The following A3GALT2 variants were observed in gnomAD, a reference collection of about 807,000 sequenced individuals.
The protein encoded by A3GALT2 is alpha-1,3-galactosyltransferase 2.
Under a neutral mutation model 16.6 loss-of-function variants are expected in A3GALT2, and 14 were observed. The ratio of observed to expected loss-of-function variants is 0.84; its 90% CI spans 0.56 to 1.32. The LOEUF is 1.32. Ranked by LOEUF, A3GALT2 falls within the 40% of genes most tolerant of loss-of-function variation. A3GALT2 has a pLI of 0.00. For missense variants in A3GALT2, 600 were observed against 490.9 expected (o/e 1.22, Z -2.10); for synonymous variants, 253 against 218.0 (o/e 1.16, Z -1.42).
chr1:33,313,201 T>TTTTTTTA (rs1646244815), intron 1 of A3GALT2: 2 of 255,362 alleles, frequency 7.8e-6, no homozygotes, highest in Non-Finnish European at 1.5e-5. Flanking sequence ...TTTTTTTTTT[T>TTTTTTTA]GAGACAGCCT....
At chr1:33,308,831 G>T (rs1328342938) in intron 4 of A3GALT2, among the ~76,000 whole-genome samples, 30 of 143,774 alleles carry the variant, frequency 2.1e-4, no homozygotes, top group Admixed American at 2.8e-4. Context: ...GATTTGGCAG[G>T]GTCATAGGAC....
At chr1:33,319,820 C>G (rs1227731803) in intron 1 of A3GALT2, among the ~76,000 whole-genome samples, 2 of 152,142 alleles carry the variant, frequency 1.3e-5, no homozygotes, top group Non-Finnish European at 2.9e-5. Context: ...ATCAACTAAT[C>G]AGCTTGTTTC....
intron 3 of A3GALT2, 23 bp downstream of exon 3, chr1:33,312,478 T>C: frequency 1.3e-6 from 2 of 1,555,862 alleles, no homozygotes; most frequent in Non-Finnish European, 1.7e-6. Flanking sequence ...GCCCTTGGAG[T>C]AGGAGGGATG....
chr1:33,307,318 C>G lies in A3GALT2; in HGVS notation c.471G>C (p.Arg157=). ...CGCGCGCCACGCGCTCCACGGGCAG[C>G]CGGCGTCCCGGGCCCAGCGCCACGC... ...VPRVALGPGR[R]LPVERVARER... Residue 157 remains arginine, a synonymous_variant, in exon 5 of 5, where the codon CGG becomes CGC. Coordinates refer to ENST00000442999, the MANE Select transcript of A3GALT2 (RefSeq NM_001080438.1). 6.7e-7 allele frequency: 1 copy of G among 1,503,178 alleles called. No homozygotes were observed. The highest frequency in any genetic ancestry group is 8.8e-7 in the Non-Finnish European group (1 of 1,136,324). 93.1% of individuals were successfully genotyped at this position (1,503,178 alleles called of 1,614,324 possible). A position where few individuals can be genotyped will look rare whatever the true frequency, so the allele number is the denominator to read the frequency against.
At position 33,307,314 on chromosome 1, in the gene A3GALT2, G is replaced by A. The variant is rs1192418574; in HGVS notation, c.475C>T (p.Pro159Ser). ...RVALGPGRRLPVERVARERRW... is the reference protein window; with the variant it reads ...RVALGPGRRLSVERVARERRW... ...CGCTCGCGCGCCACGCGCTCCACGGGCAGCCGGCGTCCCGGGCCCAGCGCC... is the reference window on the plus strand; with the variant it reads ...CGCTCGCGCGCCACGCGCTCCACGGACAGCCGGCGTCCCGGGCCCAGCGCC... Residue 159 changes from proline (P) to serine (S), a missense_variant, in exon 5 of 5, where the codon CCC becomes TCC. Coordinates refer to ENST00000442999, the MANE Select transcript of A3GALT2 (RefSeq NM_001080438.1). 1.3e-6 allele frequency: 2 copies of A among 1,498,962 alleles called. No individual in the cohort carries two copies. The highest frequency in any genetic ancestry group is 1.8e-6 in the Non-Finnish European group (2 of 1,134,580). 92.9% of individuals were successfully genotyped at this position (1,498,962 alleles called of 1,614,324 possible). A position where few individuals can be genotyped will look rare whatever the true frequency, so the allele number is the denominator to read the frequency against.
At chr1:33,308,750 GTTTTTTTTTTT>G (rs56655319) in intron 4 of A3GALT2, among the ~76,000 whole-genome samples, 1,574 of 46,138 alleles carry the variant, frequency 0.034, 67 homozygotes, top group African/African-American at 0.17. Context: ...TGTCAAAGTT[GTTTTTTTTTTT>G]TTTTTTTTTT....
intron 1 of A3GALT2, chr1:33,314,873 T>C (rs1444681568): frequency 6.6e-6 from 1 of 152,022 alleles, no homozygotes; most frequent in African/African-American, 2.4e-5. Flanking sequence ...TATGGAAAAA[T>C]GTTCACCCTC....
chr1:33,310,977 T>G (rs1294007544), intron 4 of A3GALT2, among the ~76,000 whole-genome samples: 1 of 152,180 alleles, frequency 6.6e-6, no homozygotes, highest in East Asian at 1.9e-4. Context: ...CACTCCTGGC[T>G]TTCCCTCCCT....
At position 33,312,041 on chromosome 1, in the gene A3GALT2, C is replaced by T; in HGVS notation, c.335+11G>A. On this transcript the variant is annotated intron_variant, in intron 4 of 4. Coordinates refer to ENST00000442999, the MANE Select transcript of A3GALT2 (RefSeq NM_001080438.1). ...AGCTTTGACAGCACTGCTCCCCTTC[C>T]CAGGCCTTACCTGCCTACAGCAAAG... 1 of 1,613,412 alleles carries T rather than the reference C, an allele frequency of 6.2e-7. No individual in the cohort carries two copies. Among genetic ancestry groups the T allele is most frequent in the Non-Finnish European group, 8.5e-7 (1 of 1,179,770 alleles).
At chr1:33,319,048 T>G (rs887670026) in intron 1 of A3GALT2, among the ~76,000 whole-genome samples, 2 of 152,166 alleles carry the variant, frequency 1.3e-5, no homozygotes, top group Non-Finnish European at 1.5e-5. Flanking sequence ...CCTGGCCAAG[T>G]GTATTATGTG....
At position 33,312,882 on chromosome 1, in the gene A3GALT2, T is replaced by C. The variant is rs768260067; in HGVS notation, c.32A>G (p.Lys11Arg). Residue 11 changes from lysine to arginine, a missense_variant, in exon 2 of 5, where the codon AAG (lysine) becomes AGG (arginine). Transcript: ENST00000442999. MALKEGLRAW[K>R]RIFWRQILLT... ...TAGGATCTGCCGCCAGAAGATTCTC[T>C]TCCAGGCCCTGGGGGCGGGAGGGGG... The C allele has an allele frequency of 6.9e-6, 11 of 1,604,800 alleles. No individual in the cohort carries two copies. Among genetic ancestry groups the C allele is most frequent in the African/African-American group, 1.3e-5 (1 of 74,826 alleles).
chr1:33,318,457 C>T (rs1646270883), intron 1 of A3GALT2, among the ~76,000 whole-genome samples: 1 of 151,970 alleles, frequency 6.6e-6, no homozygotes, highest in African/African-American at 2.4e-5. Context: ...AGTGGGACCC[C>T]TGCTTTCTCT....
In A3GALT2 at chr1:33,306,802, C is replaced by G. The variant is rs1646194296; in HGVS notation, c.987G>C (p.Leu329=). The change falls in exon 5 of 5, where the codon CTG becomes CTC. Residue 329 remains leucine, a synonymous_variant. Coordinates refer to ENST00000442999, the MANE Select transcript of A3GALT2 (RefSeq NM_001080438.1). ...PRAEIRRPRL[L]WAPKGYRLLR... is the part of the protein sequence containing the mutation. ...GCAGCCGGTACCCCTTGGGCGCCCA[C>G]AGCAGTCGCGGGCGGCGGATCTCGG... 1 of 1,461,936 alleles carries G rather than the reference C, an allele frequency of 6.8e-7. No individual in the cohort carries two copies. Among genetic ancestry groups the G allele is most frequent in the South Asian group, 1.3e-5 (1 of 75,504 alleles). The allele number at this position is 1,461,936 out of a possible 1,614,324, so 90.6% of individuals were successfully genotyped here.
chr1:33,307,443 TCTCCAGGTATCTAAGGGCGCGGCG>T lies in A3GALT2; in HGVS notation c.336-14_345del. On this transcript the variant is annotated splice_acceptor_variant and splice_polypyrimidine_tract_variant and coding_sequence_variant and intron_variant, in exon 5 of 5. Coordinates refer to ENST00000442999, the MANE Select transcript of A3GALT2 (RefSeq NM_001080438.1). LOFTEE classifies it high-confidence loss of function. ...GTCTCCAGGAAGCGCTCCAGGTACT[TCTCCAGGTATCTAAGGGCGCGGCG>T]CCACCGTCAGCCTGAGAGTGAAGCG... 6.6e-7 allele frequency: 1 copy of T among 1,508,802 alleles called. No individual in the cohort carries two copies. The highest frequency in any genetic ancestry group is 8.8e-7 in the Non-Finnish European group (1 of 1,140,324). 93.5% of individuals were successfully genotyped at this position (1,508,802 alleles called of 1,614,324 possible). A position where few individuals can be genotyped will look rare whatever the true frequency, so the allele number is the denominator to read the frequency against.
chr1:33,312,376 G>T (rs930602109), intron 3 of A3GALT2, 125 bp downstream of exon 3: 130 of 1,295,084 alleles, frequency 1.0e-4, no homozygotes, highest in Admixed American at 1.7e-4. Flanking sequence ...CGATGGGGCT[G>T]CTGGACTTGG....
intron 1 of A3GALT2, among the ~76,000 whole-genome samples, 170 bp from the exon 2 acceptor site, chr1:33,313,060 G>A (rs1489843482): frequency 2.0e-5 from 3 of 152,018 alleles, no homozygotes; most frequent in Non-Finnish European, 2.9e-5. Flanking sequence ...GGCAGGTTGC[G>A]GGGATGATAA....
Position 33,312,049 on chromosome 1 carries a change from T to C in A3GALT2, c.335+3A>G, listed in dbSNP as rs754276983. Reference sequence around the variant, plus strand: ...CAGCACTGCTCCCCTTCCCAGGCCTTACCTGCCTACAGCAAAGATAGTCAG... The same window carrying C: ...CAGCACTGCTCCCCTTCCCAGGCCTCACCTGCCTACAGCAAAGATAGTCAG... On this transcript the variant is annotated splice_donor_region_variant and intron_variant, in intron 4 of 4. Transcript: ENST00000442999. The C allele has an allele frequency of 6.8e-6, 11 of 1,613,348 alleles. No homozygotes were observed. Among genetic ancestry groups the C allele is most frequent in the Admixed American group, 1.7e-5 (1 of 59,964 alleles).
At chr1:33,308,765 T>TTTTTTTTTG (rs1557806851) in intron 4 of A3GALT2, among the ~76,000 whole-genome samples, 2 of 120,854 alleles carry the variant, frequency 1.7e-5, no homozygotes, top group African/African-American at 7.5e-5. Flanking sequence ...TTTTTTTTTT[T>TTTTTTTTTG]TTTTTTTTTT....
In A3GALT2 at chr1:33,309,744, T is replaced by C. The variant is rs1273957785; in HGVS notation, c.336-2291A>G. 1.8e-4 allele frequency among the ~76,000 whole-genome samples: 22 copies of C among 120,898 alleles called. No homozygotes were observed. The East Asian group carries it at 5.5e-3, about 30-fold the overall frequency. The allele number at this position is 120,898 out of a possible 152,430, so 79.3% of individuals were successfully genotyped here. A position where few individuals can be genotyped will look rare whatever the true frequency, so the allele number is the denominator to read the frequency against. ...GAGGCGCTCCCCACATCTCAGACGA[T>C]GGGCGGCCGGGCAGAGACGCTCCTC... is the stretch of plus-strand genomic sequence containing the variant. On this transcript the variant is annotated intron_variant, in intron 4 of 4. Transcript: ENST00000442999.
Sources: gnomAD v4.1 joint callset for allele counts (sites outside exome capture counted in the v4.1 genomes callset) on GRCh38, gnomAD v4.1.1 for gene constraint, MANE v1.5 for transcripts, NCBI Gene and HGNC (gene_info 2026-07-23, HGNC 2026-07-21) for gene names.